The following NCK1 variants were observed in gnomAD, a reference collection of about 807,000 sequenced individuals.
NCK1 encodes SH2/SH3 adapter protein NCK1.
Under a neutral mutation model 36.6 loss-of-function variants are expected in NCK1, and 19 were observed. The ratio of observed to expected loss-of-function variants is 0.52; its 90% CI spans 0.36 to 0.76. The LOEUF (loss-of-function observed/expected upper bound fraction) is 0.76. NCK1 is among the 30% of genes least tolerant of loss of function. The pLI, the probability that NCK1 is intolerant of heterozygous loss-of-function variation, is 0.00. For synonymous variants in NCK1, 165 were observed against 156.0 expected (o/e 1.06, Z -0.43); for missense variants, 358 against 445.6 (o/e 0.80, Z 1.77).
At position 136,945,600 on chromosome 3, in the gene NCK1, A is replaced by G; in HGVS notation, c.244A>G (p.Arg82Gly). 1 of 1,602,582 alleles carries G rather than the reference A, an allele frequency of 6.2e-7. No homozygotes were observed. The highest frequency in any genetic ancestry group is 8.5e-7 in the Non-Finnish European group (1 of 1,173,736). ...TTCAACAGGCATTGGAAAAGTGAAA[A>G]GAAAACCTAGTGTGCCAGATTCTGC... is the stretch of plus-strand genomic sequence containing the variant. ...KDTLGIGKVK[R>G]KPSVPDSASP... The change falls in exon 3 of 4, where the codon AGA (arginine) becomes GGA (glycine). Residue 82 changes from arginine (R) to glycine (G), a missense_variant. Physicochemically the swap from Arg to Gly is moderately radical, Grantham distance 125 (BLOSUM62 -2). Around this residue, in one of 3 missense-constraint regions of NCK1, gnomAD observed 143 missense variants for 162.4 expected, o/e 0.88. Transcript: ENST00000481752.
At chr3:136,872,665 G>A (rs1421479145) in intron 1 of NCK1, among the ~76,000 whole-genome samples, 1 of 152,210 alleles carries the variant, frequency 6.6e-6, no homozygotes, top group African/African-American at 2.4e-5. Flanking sequence ...AGGCGTGGAA[G>A]CCTTGGAGGA....
chr3:136,889,817 G>C (rs532457986), intron 1 of NCK1, among the ~76,000 whole-genome samples: 1 of 152,300 alleles, frequency 6.6e-6, no homozygotes, highest in East Asian at 1.9e-4. Flanking sequence ...GCAGGGTGCT[G>C]ATTGGTGTGT....
chr3:136,891,866 C>G (rs1211772258), intron 1 of NCK1, among the ~76,000 whole-genome samples: 1 of 152,236 alleles, frequency 6.6e-6, no homozygotes, highest in East Asian at 1.9e-4. Flanking sequence ...TATTCAATTC[C>G]TACTCCATTT....
At chr3:136,919,550 A>T (rs191605271) in intron 1 of NCK1, among the ~76,000 whole-genome samples, 1 of 152,264 alleles carries the variant, frequency 6.6e-6, no homozygotes, top group East Asian at 1.9e-4. Context: ...CCCTTAAGAG[A>T]TCCACTTTAG....
intron 1 of NCK1, among the ~76,000 whole-genome samples, chr3:136,895,908 C>T (rs1443308076): frequency 6.6e-6 from 1 of 152,174 alleles, no homozygotes; most frequent in Non-Finnish European, 1.5e-5. Flanking sequence ...GAGTTAAATT[C>T]ATTCACATCT....
chr3:136,879,623 A>G (rs1938872816), intron 1 of NCK1, among the ~76,000 whole-genome samples: 1 of 152,206 alleles, frequency 6.6e-6, no homozygotes, highest in Admixed American at 6.5e-5. Context: ...ATGTCCATCA[A>G]CAATAGTCTG....
Position 136,916,462 on chromosome 3 carries a change from C to A in NCK1, c.-18-11522C>A, listed in dbSNP as rs531665561. Among the ~76,000 whole-genome samples the A allele has an allele frequency of 2.6e-5, 4 of 152,170 alleles. No homozygotes were observed. The East Asian group carries it at 7.7e-4, about 29-fold the overall frequency. Reference sequence around the variant, plus strand: ...ACAACCCAAACACCTCCCATTAGGCCCCATTTCCAACATGGGGATCAAATT... The same window carrying A: ...ACAACCCAAACACCTCCCATTAGGCACCATTTCCAACATGGGGATCAAATT... On this transcript the variant is annotated intron_variant, in intron 1 of 3. Transcript: ENST00000481752.
At chr3:136,870,687 TAAAA>T (rs11332327) in intron 1 of NCK1, among the ~76,000 whole-genome samples, 2 of 123,398 alleles carry the variant, frequency 1.6e-5, no homozygotes, top group African/African-American at 3.1e-5. Flanking sequence ...CTATAGTCTT[TAAAA>T]AAAAAAAAAA....
At chr3:136,863,734 C>G (rs1350955238) in intron 1 of NCK1, among the ~76,000 whole-genome samples, 2 of 152,202 alleles carry the variant, frequency 1.3e-5, no homozygotes, top group African/African-American at 4.8e-5. Context: ...TAGGCATTAT[C>G]TTTTGTCCAG....
intron 1 of NCK1, among the ~76,000 whole-genome samples, chr3:136,906,749 C>T (rs535548378): frequency 2.6e-5 from 4 of 152,252 alleles, no homozygotes; most frequent in African/African-American, 9.6e-5. Flanking sequence ...AGGCCAATCC[C>T]CCAGGCTTGC....
Position 136,950,201 on chromosome 3 carries a change from T to A in NCK1, c.*1748T>A, listed in dbSNP as rs1415516685. 6.6e-6 allele frequency among the ~76,000 whole-genome samples: 1 copy of A among 152,148 alleles called. No individual in the cohort carries two copies. The highest frequency in any genetic ancestry group is 6.5e-5 in the Admixed American group (1 of 15,278). ...ATCTTAATTTTTAACATATATTTGA[T>A]GATGCTTTCCTTTTCTCTGTATGTT... On this transcript the variant is annotated 3_prime_UTR_variant, in exon 4 of 4. Transcript: ENST00000481752.
intron 1 of NCK1, among the ~76,000 whole-genome samples, chr3:136,870,034 T>TTTG (rs1938562906): frequency 1.5e-5 from 2 of 131,830 alleles, no homozygotes; most frequent in African/African-American, 2.6e-5. Flanking sequence ...AAAAGTTTTT[T>TTTG]TTTTTTTTTT....
At chr3:136,876,531 A>G (rs1938777758) in intron 1 of NCK1, among the ~76,000 whole-genome samples, 1 of 152,210 alleles carries the variant, frequency 6.6e-6, no homozygotes, top group South Asian at 2.1e-4. Context: ...GCTTTTATGA[A>G]CATCCTTCCG....
intron 2 of NCK1, among the ~76,000 whole-genome samples, chr3:136,935,154 G>A (rs1220982081): frequency 1.3e-5 from 2 of 152,158 alleles, no homozygotes; most frequent in Non-Finnish European, 2.9e-5. Context: ...GCCTGCCTCG[G>A]CCTCCCAAAA....
intron 1 of NCK1, among the ~76,000 whole-genome samples, chr3:136,902,015 G>GT (rs1162884091): frequency 1.3e-5 from 2 of 151,780 alleles, no homozygotes; most frequent in African/African-American, 2.4e-5. Flanking sequence ...TCTTTGCACT[G>GT]TTTTTGCTGT....
intron 1 of NCK1, among the ~76,000 whole-genome samples, chr3:136,888,309 T>A (rs1267434050): frequency 1.3e-5 from 2 of 152,214 alleles, no homozygotes; most frequent in African/African-American, 4.8e-5. Flanking sequence ...AAGGTTTTAT[T>A]GAGATATGAT....
chr3:136,880,407 G>C (rs912909557), intron 1 of NCK1, among the ~76,000 whole-genome samples: 1 of 152,132 alleles, frequency 6.6e-6, no homozygotes, highest in Non-Finnish European at 1.5e-5. Flanking sequence ...AAAAAAGGGA[G>C]AGATTTTGAC....
chr3:136,902,540 T>TAA (rs1479956202), intron 1 of NCK1, among the ~76,000 whole-genome samples: 1 of 152,196 alleles, frequency 6.6e-6, no homozygotes, highest in Non-Finnish European at 1.5e-5. Context: ...TCTGAGGAGA[T>TAA]ACTTGATACG....
intron 1 of NCK1, among the ~76,000 whole-genome samples, chr3:136,926,224 ATTAAT>A (rs1252419798): frequency 6.7e-6 from 1 of 149,050 alleles, no homozygotes; most frequent in Admixed American, 6.7e-5. Flanking sequence ...TACTCAGTTC[ATTAAT>A]TTATTTTTAG....
Sources: allele counts gnomAD v4.1 joint callset (sites outside exome capture counted in the v4.1 genomes callset), GRCh38; gene constraint gnomAD v4.1.1; regional missense constraint gnomAD v4.1.1; transcripts MANE v1.5; gene names NCBI Gene and HGNC (gene_info 2026-07-23, HGNC 2026-07-21).